The following MB21D2 variants were observed in gnomAD, a reference collection of about 807,000 sequenced individuals.
The protein encoded by MB21D2 is nucleotidyltransferase MB21D2.
A neutral mutation model predicts 33.3 loss-of-function variants in MB21D2; 9 were observed. That is an observed-to-expected ratio of 0.27 (90% CI 0.16 to 0.47). The LOEUF is 0.47. MB21D2 is among the 20% of genes least tolerant of loss of function. The pLI is 0.99. For missense variants in MB21D2, 540 were observed against 624.6 expected, an observed-to-expected ratio of 0.86 and a Z score of 1.44; for synonymous variants, 241 against 236.3, an observed-to-expected ratio of 1.02 and a Z score of -0.18.
At position 192,851,697 on chromosome 3, in the gene MB21D2, G is replaced by T. The variant is rs566118668; in HGVS notation, c.212-52047C>A. Among the ~76,000 whole-genome samples, 5 of 151,820 alleles carry T rather than the reference G, an allele frequency of 3.3e-5. No homozygotes were observed. In the South Asian group the frequency reaches 1.0e-3, roughly 32 times the overall value. On this transcript the variant is annotated intron_variant, in intron 1 of 1. Transcript: ENST00000392452. The stretch of plus-strand genomic sequence containing the variant: ...TTTTTTTTAGTAAAGACAGGGTTTT[G>T]CCATGTTTGCCAGGCTGGTCTTGAA...
intron 1 of MB21D2, among the ~76,000 whole-genome samples, chr3:192,869,736 A>G (rs945111333): frequency 6.6e-6 from 1 of 152,194 alleles, no homozygotes; most frequent in African/African-American, 2.4e-5. Flanking sequence ...GGAAGGAAGC[A>G]TATCTGCCAT....
chr3:192,853,797 A>C (rs140356541), intron 1 of MB21D2, among the ~76,000 whole-genome samples: 261 of 152,296 alleles, frequency 1.7e-3, no homozygotes, highest in Middle Eastern at 0.01. Flanking sequence ...CCACTTTTCC[A>C]ACTGCAGGGT....
intron 1 of MB21D2, among the ~76,000 whole-genome samples, chr3:192,878,095 T>G (rs1164408389): frequency 2.1e-5 from 3 of 139,992 alleles, no homozygotes; most frequent in African/African-American, 5.6e-5. Context: ...TTTTTTTTTT[T>G]TTTTTTGGTT....
rs190163125 is a variant in MB21D2 at position 192,909,163 on chromosome 3, G to A, written c.211+8467C>T. Among the ~76,000 whole-genome samples the A allele has an allele frequency of 9.2e-3, 1,393 of 151,962 alleles. 12 individuals carry two copies. The highest frequency in any genetic ancestry group is 0.016 in the Non-Finnish European group (1,075 of 67,998). On this transcript the variant is annotated intron_variant, in intron 1 of 1. Transcript: ENST00000392452. Reference sequence around the variant, plus strand: ...CCCAGCTACTCGGGAGGCTGAGGCAGGAGAATGGTGTGAACCCGGGAGGCG... The same window carrying A: ...CCCAGCTACTCGGGAGGCTGAGGCAAGAGAATGGTGTGAACCCGGGAGGCG...
At chr3:192,885,662 G>A (rs1214175926) in intron 1 of MB21D2, among the ~76,000 whole-genome samples, 1 of 152,120 alleles carries the variant, frequency 6.6e-6, no homozygotes, top group Non-Finnish European at 1.5e-5. Flanking sequence ...GAGAGGGACA[G>A]GCACAAATGA....
chr3:192,910,556 A>G (rs1714331120), intron 1 of MB21D2, among the ~76,000 whole-genome samples: 2 of 152,338 alleles, frequency 1.3e-5, no homozygotes, highest in South Asian at 2.1e-4. Context: ...GAGATGAATG[A>G]AAGAAGCTAG....
At chr3:192,838,428 CTTTTTTT>C in intron 1 of MB21D2, among the ~76,000 whole-genome samples, 1 of 124,148 alleles carries the variant, frequency 8.1e-6, no homozygotes, top group South Asian at 2.9e-4. Context: ...AATCTGTGGA[CTTTTTTT>C]TTTTTTTTTT....
chr3:192,909,464 T>A (rs937780067), intron 1 of MB21D2, among the ~76,000 whole-genome samples: 1 of 152,188 alleles, frequency 6.6e-6, no homozygotes, highest in East Asian at 1.9e-4. Context: ...GGATTTCTAT[T>A]GGCAACAAAA....
chr3:192,873,613 T>C (rs1354265082), intron 1 of MB21D2, among the ~76,000 whole-genome samples: 1 of 152,206 alleles, frequency 6.6e-6, no homozygotes, highest in African/African-American at 2.4e-5. Context: ...CCCTCTCTTG[T>C]TATCCCTCCT....
At chr3:192,850,676 T>C (rs1205410378) in intron 1 of MB21D2, among the ~76,000 whole-genome samples, 2 of 152,176 alleles carry the variant, frequency 1.3e-5, no homozygotes, top group Non-Finnish European at 2.9e-5. Context: ...AACCTGTCAG[T>C]GGACTGGGAG....
At chr3:192,884,414 T>G (rs761215952) in intron 1 of MB21D2, among the ~76,000 whole-genome samples, 3 of 152,124 alleles carry the variant, frequency 2.0e-5, no homozygotes, top group South Asian at 2.1e-4. Flanking sequence ...TCACCCAGGC[T>G]GGAGTGCAGT....
intron 1 of MB21D2, among the ~76,000 whole-genome samples, chr3:192,894,833 C>G (rs1713929851): frequency 6.6e-6 from 1 of 152,144 alleles, no homozygotes; most frequent in African/African-American, 2.4e-5. Context: ...GCAGCTCTCC[C>G]TCAAGGGAAA....
intron 1 of MB21D2, among the ~76,000 whole-genome samples, chr3:192,832,807 AC>A (rs1676180613): frequency 6.6e-6 from 1 of 152,100 alleles, no homozygotes; most frequent in Non-Finnish European, 1.5e-5. Context: ...GAAAAAGGGG[AC>A]CGGGGGGAAG....
chr3:192,846,249 C>T (rs1712678510), intron 1 of MB21D2, among the ~76,000 whole-genome samples: 1 of 151,972 alleles, frequency 6.6e-6, no homozygotes, highest in African/African-American at 2.4e-5. Flanking sequence ...CCATATAAGC[C>T]TTTCTTCCAT....
chr3:192,839,936 T>C (rs1712531238), intron 1 of MB21D2, among the ~76,000 whole-genome samples: 1 of 150,750 alleles, frequency 6.6e-6, no homozygotes, highest in South Asian at 2.1e-4. Context: ...GGAAACTCAC[T>C]GTGGAGAAGC....
chr3:192,878,563 C>CT (rs763354382), intron 1 of MB21D2, among the ~76,000 whole-genome samples: 3 of 152,128 alleles, frequency 2.0e-5, no homozygotes, highest in Non-Finnish European at 4.4e-5. Flanking sequence ...CAAGTGAGGA[C>CT]TTTGAATGTG....
At chr3:192,877,894 G>C (rs1713467645) in intron 1 of MB21D2, among the ~76,000 whole-genome samples, 1 of 151,574 alleles carries the variant, frequency 6.6e-6, no homozygotes, top group Admixed American at 6.6e-5. Context: ...GAACTTGAAA[G>C]GGCCAAAGAT....
At chr3:192,911,935 TG>T (rs1463185069) in intron 1 of MB21D2, among the ~76,000 whole-genome samples, 1 of 152,146 alleles carries the variant, frequency 6.6e-6, no homozygotes, top group African/African-American at 2.4e-5. Context: ...TCCAAGCACA[TG>T]GAGGCCCATA....
intron 1 of MB21D2, among the ~76,000 whole-genome samples, chr3:192,840,055 T>A (rs766915743): frequency 5.9e-5 from 9 of 152,122 alleles, no homozygotes; most frequent in African/African-American, 2.2e-4. Context: ...CCTCCAACCA[T>A]TGGTGGGTAG....
Sources: gnomAD v4.1 joint callset for allele counts (sites outside exome capture counted in the v4.1 genomes callset) on GRCh38, gnomAD v4.1.1 for gene constraint, MANE v1.5 for transcripts, NCBI Gene and HGNC (gene_info 2026-07-23, HGNC 2026-07-21) for gene names.